Variants in TRIP11 observed in about 807,000 individuals in gnomAD.
TRIP11 encodes the protein thyroid hormone receptor interactor 11, also known as thyroid receptor-interacting protein 11.
A neutral mutation model predicts 223.1 loss-of-function variants in TRIP11; 148 were observed. The observed-to-expected ratio is 0.66, with a 90% CI of 0.58 to 0.76. TRIP11 has a LOEUF of 0.76. Among genes scored for constraint, TRIP11 ranks in the 30% least tolerant of loss-of-function variants. The probability of loss-of-function intolerance (pLI) is 0.00; values close to 1 mark genes in which losing one functional copy is unlikely to be tolerated. For missense variants in TRIP11, 2,043 were observed against 2,222.0 expected (o/e 0.92, Z 1.62); for synonymous variants, 762 against 772.6 (o/e 0.99, Z 0.23).
chr14:92,034,233 G>C (rs1435795537), intron 1 of TRIP11, among the ~76,000 whole-genome samples: 1 of 152,122 alleles, frequency 6.6e-6, no homozygotes, highest in African/African-American at 2.4e-5. Flanking sequence ...AGACCAGCCT[G>C]GCCAACAGGT....
rs1248765412 is a variant in TRIP11 at position 92,006,123 on chromosome 14, T to A, written c.1853A>T (p.Glu618Val). ...ELKEHIRQNE[E>V]ELSRIRNELM... ...CTCATTCCTTATTCTAGAAAGCTCC[T>A]CCTCATTTTGTCTAATATGCTCCTT... Residue 618 changes from glutamate (E) to valine (V), a missense_variant, in exon 11 of 21, where the codon GAG becomes GTG. Glu to Val is a moderately radical substitution (Grantham distance 121, BLOSUM62 -2). Transcript: ENST00000267622. 1 of 1,609,434 alleles carries A rather than the reference T, an allele frequency of 6.2e-7. No homozygotes were observed. Among genetic ancestry groups the A allele is most frequent in the South Asian group, 1.1e-5 (1 of 89,452 alleles).
chr14:92,018,937 G>A (rs1595400201), intron 4 of TRIP11, among the ~76,000 whole-genome samples: 2 of 136,054 alleles, frequency 1.5e-5, no homozygotes, highest in East Asian at 4.6e-4. Flanking sequence ...CTCCAGCCTG[G>A]TAGACAGAGC....
rs2056345691 is a variant in TRIP11, at chr14:91,966,814, G to A, written c.*2859C>T. The A allele has an allele frequency of 4.6e-6, 1 of 218,150 alleles. No individual in the cohort carries two copies. The highest frequency in any genetic ancestry group is 1.9e-4 in the South Asian group (1 of 5,394). The allele number at this position is 218,150 out of a possible 1,614,324, so 13.5% of individuals were successfully genotyped here. A position where few individuals can be genotyped will look rare whatever the true frequency, so the allele number is the denominator to read the frequency against. ...ACAGTATAGAGGTTGAAAACCATTA[G>A]GAATGTGGTAAAAAACTATGGCAGC... On this transcript the variant is annotated 3_prime_UTR_variant, in exon 21 of 21. Transcript: ENST00000267622.
At chr14:91,989,329 G>GT (rs947145359) in intron 15 of TRIP11, among the ~76,000 whole-genome samples, 11 of 149,660 alleles carry the variant, frequency 7.3e-5, no homozygotes, top group South Asian at 2.1e-4. Context: ...AGGGTCTGTT[G>GT]TTTTTTTTTC....
rs779195486 is a variant in TRIP11, at chr14:91,969,896, A to G, written c.5720-3T>C. On this transcript the variant is annotated splice_polypyrimidine_tract_variant and splice_region_variant and intron_variant, in intron 20 of 20. Transcript: ENST00000267622. ...ACCAGACCTGGATTCTGCTGTATCT[A>G]AAGAATAAAATATGGATTTAGTCTC... 77 of 1,612,748 alleles carry G rather than the reference A, an allele frequency of 4.8e-5. No homozygotes were observed. The highest frequency in any genetic ancestry group is 6.4e-5 in the Non-Finnish European group (76 of 1,179,316).
Position 92,006,346 on chromosome 14 carries a change from G to A in TRIP11, c.1630C>T (p.His544Tyr). Residue 544 changes from histidine (H) to tyrosine (Y), a missense_variant, in exon 11 of 21, where the codon CAT (histidine) becomes TAT (tyrosine). Transcript: ENST00000267622. ...QDLNDEKKRV[H>Y]QLEDDKMDIT... is the part of the protein sequence containing the mutation. The stretch of plus-strand genomic sequence containing the variant: ...TCCATTTTATCATCTTCAAGTTGAT[G>A]AACTCTCTTTTTTTCATCATTTAGA... 1.2e-6 allele frequency: 2 copies of A among 1,611,360 alleles called. No individual in the cohort carries two copies. The highest frequency in any genetic ancestry group is 1.7e-6 in the Non-Finnish European group (2 of 1,178,938).
chr14:91,995,949 G>A (rs1435413396), intron 13 of TRIP11, among the ~76,000 whole-genome samples: 3 of 152,058 alleles, frequency 2.0e-5, no homozygotes, highest in African/African-American at 7.2e-5. Flanking sequence ...AGATTTCAAA[G>A]TATTTAGATA....
rs775362219 is a variant in TRIP11, at chr14:92,004,060, AAAG to A, written c.3913_3915del (p.Leu1306del). The A allele has an allele frequency of 1.9e-6, 3 of 1,614,162 alleles. No individual in the cohort carries two copies. The highest frequency in any genetic ancestry group is 2.5e-6 in the Non-Finnish European group (3 of 1,180,030). On this transcript the variant is annotated inframe_deletion, in exon 11 of 21. Coordinates refer to ENST00000267622, the MANE Select transcript of TRIP11 (RefSeq NM_004239.4). ...GGTGAAATAATATCAAGTTTTCCTA[AAAG>A]AAGATCCTTGGTATTGCAAAGCTGC... is the stretch of plus-strand genomic sequence containing the variant.
chr14:91,999,526 A>G, intron 12 of TRIP11, 93 bp from the exon 13 acceptor site: 1 of 1,331,894 alleles, frequency 7.5e-7, no homozygotes, highest in African/African-American at 1.5e-5. Context: ...ATTATTGAAG[A>G]TATTAATTGT....
chr14:92,030,611 T>G (rs1038296685), intron 2 of TRIP11: 2 of 152,208 alleles, frequency 1.3e-5, no homozygotes, highest in Non-Finnish European at 2.9e-5. Flanking sequence ...GGTCTCGAAC[T>G]CAGGTGATCC....
chr14:91,974,627 A>G lies in TRIP11; in HGVS notation c.5574T>C (p.Ser1858=), dbSNP rs1322345665. The stretch of plus-strand genomic sequence containing the variant: ...AAGCAAGAATAAAATTGTTTCTTAC[A>G]CTATTAACCACAGATTGCTGATTTG... The part of the protein sequence containing the change: ...LRPNQQSVVN[S]SFSELFVKFL... The change falls in exon 19 of 21, where the codon AGT becomes AGC. Residue 1858 remains serine, a splice_region_variant and synonymous_variant. Transcript: ENST00000267622. 3 of 1,608,324 alleles carry G rather than the reference A, an allele frequency of 1.9e-6. No individual in the cohort carries two copies. The East Asian group carries it at 6.7e-5, about 36-fold the overall frequency.
chr14:92,013,106 A>G (rs1392120446), intron 7 of TRIP11, among the ~76,000 whole-genome samples: 1 of 152,138 alleles, frequency 6.6e-6, no homozygotes, highest in Non-Finnish European at 1.5e-5. Flanking sequence ...GTCTCTACTA[A>G]AAATACAAAA....
chr14:92,021,644 A>G lies in TRIP11; in HGVS notation c.500T>C (p.Ile167Thr), dbSNP rs2057116092. ...FHDDDMDFGD[I>T]ISSQQEINRL... ...GTTTATTTCTTGTTGGGATGAAATT[A>G]TATCACCAAAGTCCATGTCATCGTC... Residue 167 changes from isoleucine (I) to threonine (T), a missense_variant, in exon 4 of 21, where the codon ATA becomes ACA. By Grantham distance (89) the Ile-to-Thr change is moderately conservative. Coordinates refer to ENST00000267622, the MANE Select transcript of TRIP11 (RefSeq NM_004239.4). 1 of 1,614,196 alleles carries G rather than the reference A, an allele frequency of 6.2e-7. No homozygotes were observed. Among genetic ancestry groups the G allele is most frequent in the Non-Finnish European group, 8.5e-7 (1 of 1,180,028 alleles).
rs547805058 is a variant in TRIP11 at position 91,967,135 on chromosome 14, CTTTTT to C, written c.*2533_*2537del. ...ACAATGAAAACATTAGGTACTATAG[CTTTTT>C]TTTTTTTTTTTTTTTTTTTGAGACA... is the stretch of plus-strand genomic sequence containing the variant. On this transcript the variant is annotated 3_prime_UTR_variant, in exon 21 of 21. Coordinates refer to ENST00000267622, the MANE Select transcript of TRIP11 (RefSeq NM_004239.4). 1,352 of 85,512 alleles carry C rather than the reference CTTTTT, an allele frequency of 0.016. 4 individuals are homozygous for C. The highest frequency in any genetic ancestry group is 0.041 in the East Asian group (153 of 3,724). 5.3% of individuals were successfully genotyped at this position (85,512 alleles called of 1,614,324 possible).
Position 92,021,686 on chromosome 14 carries a change from T to G in TRIP11, c.458A>C (p.His153Pro), listed in dbSNP as rs1171768061. 6 of 1,614,198 alleles carry G rather than the reference T, an allele frequency of 3.7e-6. No homozygotes were observed. Among genetic ancestry groups the G allele is most frequent in the Non-Finnish European group, 5.1e-6 (6 of 1,180,036 alleles). The change falls in exon 4 of 21, where the codon CAT (histidine) becomes CCT (proline). Residue 153 changes from histidine to proline, a missense_variant. Transcript: ENST00000267622. ...SSSFAYGISH[H>P]PSAFHDDDMD... ...GTCATCGTCATGGAAAGCTGAAGGATGATGACTAATCCCATAAGCGAATGA... is the reference window on the plus strand; with the variant it reads ...GTCATCGTCATGGAAAGCTGAAGGAGGATGACTAATCCCATAAGCGAATGA...
intron 2 of TRIP11, chr14:92,030,715 C>A (rs757721602): frequency 6.6e-6 from 1 of 152,090 alleles, no homozygotes; most frequent in Non-Finnish European, 1.5e-5. Context: ...TATTTGTACA[C>A]CAACATTTAC....
chr14:92,034,726 T>C (rs996062639), intron 1 of TRIP11, among the ~76,000 whole-genome samples: 4 of 152,210 alleles, frequency 2.6e-5, no homozygotes, highest in Non-Finnish European at 5.9e-5. Flanking sequence ...CATGGCTCAC[T>C]GTAGCCTCAA....
intron 9 of TRIP11, among the ~76,000 whole-genome samples, chr14:92,010,634 C>T (rs1296591008): frequency 6.6e-6 from 1 of 152,092 alleles, no homozygotes; most frequent in Non-Finnish European, 1.5e-5. Flanking sequence ...TTCTGAAGCA[C>T]ACAAGCAGCA....
intron 2 of TRIP11, among the ~76,000 whole-genome samples, chr14:92,030,137 C>T (rs926337772): frequency 7.1e-6 from 1 of 140,688 alleles, no homozygotes; most frequent in African/African-American, 2.7e-5. Flanking sequence ...GCGGAGCTTG[C>T]AGTGAGCCTA....
Sources: allele counts gnomAD v4.1 joint callset (sites outside exome capture counted in the v4.1 genomes callset), GRCh38; gene constraint gnomAD v4.1.1; transcripts MANE v1.5; gene names NCBI Gene and HGNC (gene_info 2026-07-23, HGNC 2026-07-21).